Variants in HLCS observed in about 807,000 individuals in gnomAD.
The protein encoded by HLCS is holocarboxylase synthetase, also known as biotin--protein ligase.
HLCS carries 53 observed loss-of-function variants against 75.0 expected under a neutral mutation model. The ratio of observed to expected loss-of-function variants is 0.71; its 90% CI spans 0.57 to 0.89. HLCS has a LOEUF of 0.89. HLCS is among the 40% of genes least tolerant of loss of function. The pLI is 0.00. For synonymous variants in HLCS, 431 were observed against 428.6 expected (o/e 1.01, Z -0.07); for missense variants, 966 against 1,074.0 (o/e 0.90, Z 1.41).
intron 4 of HLCS, among the ~76,000 whole-genome samples, chr21:36,932,459 G>C (rs1312079562): frequency 6.6e-6 from 1 of 152,156 alleles, no homozygotes; most frequent in Non-Finnish European, 1.5e-5. Flanking sequence ...TCCCCTGATT[G>C]AATTTTAAGA....
Position 36,763,298 on chromosome 21 carries a change from C to T in HLCS, c.2121+1714G>A, listed in dbSNP as rs567942965. On this transcript the variant is annotated intron_variant, in intron 8 of 10. Coordinates refer to ENST00000674895, the MANE Select transcript of HLCS (RefSeq NM_001352514.2). ...GTGCTGGGATTACAGGCATGAGCCA[C>T]CGCGCCTGGCCAGGACTTTCTATTT... 2.0e-4 allele frequency among the ~76,000 whole-genome samples: 30 copies of T among 152,302 alleles called. 1 individual carries two copies. The South Asian group carries it at 6.2e-3, about 32-fold the overall frequency.
At chr21:36,788,568 A>G (rs1201118946) in intron 6 of HLCS, among the ~76,000 whole-genome samples, 1 of 152,232 alleles carries the variant, frequency 6.6e-6, no homozygotes, top group Non-Finnish European at 1.5e-5. Context: ...AAATGCAAAG[A>G]GGAAGATTAA....
intron 7 of HLCS, among the ~76,000 whole-genome samples, chr21:36,766,155 T>C (rs2090023087): frequency 6.6e-6 from 1 of 152,136 alleles, no homozygotes; most frequent in Non-Finnish European, 1.5e-5. Context: ...TCCCAAGTAG[T>C]TGGGACTACA....
intron 5 of HLCS, among the ~76,000 whole-genome samples, chr21:36,902,292 T>A (rs2146357298): frequency 6.6e-6 from 1 of 152,240 alleles, no homozygotes; most frequent in Middle Eastern, 3.4e-3. Context: ...AACAGCAGCA[T>A]TTTCAGATTG....
At chr21:36,757,795 G>A (rs2089662373) in intron 9 of HLCS, among the ~76,000 whole-genome samples, 2 of 152,356 alleles carry the variant, frequency 1.3e-5, no homozygotes, top group South Asian at 2.1e-4. Context: ...AGGACTTGCA[G>A]TTGCTCACGT....
chr21:36,872,432 G>A (rs2063805324), intron 6 of HLCS, among the ~76,000 whole-genome samples: 1 of 151,438 alleles, frequency 6.6e-6, no homozygotes, highest in African/African-American at 2.4e-5. Flanking sequence ...ATTAACTAGA[G>A]TTCAATATTT....
chr21:36,854,434 A>G (rs1400406362), intron 6 of HLCS, among the ~76,000 whole-genome samples: 1 of 152,170 alleles, frequency 6.6e-6, no homozygotes, highest in African/African-American at 2.4e-5. Context: ...TTTAACAGGG[A>G]ACAGTAAGAC....
intron 6 of HLCS, among the ~76,000 whole-genome samples, chr21:36,864,057 T>C (rs2063472118): frequency 6.6e-6 from 1 of 152,224 alleles, no homozygotes; most frequent in Non-Finnish European, 1.5e-5. Context: ...TGTAAGTGTG[T>C]TCAAAGGAAT....
intron 5 of HLCS, among the ~76,000 whole-genome samples, chr21:36,897,585 C>T (rs962020276): frequency 6.6e-6 from 1 of 152,200 alleles, no homozygotes; most frequent in Non-Finnish European, 1.5e-5. Flanking sequence ...CACTCAAATA[C>T]AAGAACACTC....
intron 2 of HLCS, among the ~76,000 whole-genome samples, chr21:36,960,468 C>A (rs2843637): frequency 0.11 from 16,097 of 152,144 alleles, 1,072 homozygotes; most frequent in Non-Finnish European, 0.14. Context: ...CAGGAGAGAA[C>A]GTACTGTCTT....
At chr21:36,898,217 G>A (rs139121022) in intron 5 of HLCS, among the ~76,000 whole-genome samples, 69 of 151,492 alleles carry the variant, frequency 4.6e-4, no homozygotes, top group African/African-American at 1.4e-3. Flanking sequence ...AGGCCCAGGC[G>A]GGCAGATCAC....
intron 8 of HLCS, 29 bp from the exon 9 acceptor site, chr21:36,759,870 C>A (rs2145744913): frequency 7.0e-7 from 1 of 1,431,660 alleles, no homozygotes; most frequent in Middle Eastern, 1.7e-4. Context: ...ATTAATTAAG[C>A]CGTCACAGGA....
intron 6 of HLCS, among the ~76,000 whole-genome samples, chr21:36,790,956 C>T (rs1332891187): frequency 6.6e-6 from 1 of 152,162 alleles, no homozygotes; most frequent in Non-Finnish European, 1.5e-5. Context: ...TGGCAAAGAA[C>T]CTGGGTGTAG....
intron 5 of HLCS, among the ~76,000 whole-genome samples, chr21:36,912,057 G>A (rs1428693744): frequency 2.9e-5 from 4 of 138,606 alleles, no homozygotes; most frequent in African/African-American, 1.1e-4. Context: ...GGCAACAAGA[G>A]CAAAACTCCG....
intron 6 of HLCS, among the ~76,000 whole-genome samples, chr21:36,801,826 A>C (rs965874531): frequency 2.6e-5 from 4 of 150,952 alleles, no homozygotes; most frequent in Non-Finnish European, 5.9e-5. Flanking sequence ...AGAGACAGTT[A>C]TCTAACTATG....
chr21:36,894,115 A>G (rs1185295574), intron 6 of HLCS, among the ~76,000 whole-genome samples: 2 of 152,056 alleles, frequency 1.3e-5, no homozygotes, highest in Non-Finnish European at 2.9e-5. Context: ...GGTTGTTTAA[A>G]AGTGTGTGAC....
chr21:36,957,929 GAAAA>G (rs58789618), intron 2 of HLCS, among the ~76,000 whole-genome samples: 1 of 64,418 alleles, frequency 1.6e-5, no homozygotes. Context: ...ACTGCGTCTC[GAAAA>G]AAAAAAAAAA....
chr21:36,833,459 C>A (rs2062286653), intron 6 of HLCS, among the ~76,000 whole-genome samples: 1 of 151,706 alleles, frequency 6.6e-6, no homozygotes, highest in African/African-American at 2.4e-5. Flanking sequence ...GTGGCATGCA[C>A]CTGTAATCCC....
At chr21:36,853,419 T>C (rs1435480849) in intron 6 of HLCS, among the ~76,000 whole-genome samples, 1 of 152,184 alleles carries the variant, frequency 6.6e-6, no homozygotes, top group Non-Finnish European at 1.5e-5. Flanking sequence ...TCATACAAAA[T>C]TCTGATGACA....
Sources: allele counts gnomAD v4.1 joint callset (sites outside exome capture counted in the v4.1 genomes callset), GRCh38; gene constraint gnomAD v4.1.1; transcripts MANE v1.5; gene names NCBI Gene and HGNC (gene_info 2026-07-23, HGNC 2026-07-21).